Variants in ROBO1 observed in about 807,000 individuals in gnomAD.
ROBO1 encodes roundabout homolog 1.
A neutral mutation model predicts 195.9 loss-of-function variants in ROBO1; 149 were observed. The observed-to-expected ratio is 0.76, with a 90% CI of 0.67 to 0.87. The LOEUF (loss-of-function observed/expected upper bound fraction) is 0.87, where lower values mean the gene tolerates loss of function less well. Among genes scored for constraint, ROBO1 ranks in the 40% least tolerant of loss-of-function variants. ROBO1 has a pLI of 0.00. For missense variants in ROBO1, 1,933 were observed against 2,068.3 expected (o/e 0.93, Z 1.27); for synonymous variants, 816 against 733.2 (o/e 1.11, Z -1.82).
At chr3:78,697,663 C>A (rs979427919) in intron 8 of ROBO1, among the ~76,000 whole-genome samples, 5 of 152,050 alleles carry the variant, frequency 3.3e-5, no homozygotes, top group African/African-American at 1.2e-4. Flanking sequence ...CATTAGGCCA[C>A]AACAGTTTAG....
At chr3:78,745,103 A>C (rs763558648) in intron 5 of ROBO1, among the ~76,000 whole-genome samples, 1 of 151,872 alleles carries the variant, frequency 6.6e-6, no homozygotes, top group South Asian at 2.1e-4. Flanking sequence ...AGGTCAGAAG[A>C]TCGAGACCAT....
chr3:78,836,329 G>A (rs531432423), intron 4 of ROBO1, among the ~76,000 whole-genome samples: 6 of 151,800 alleles, frequency 4.0e-5, no homozygotes, highest in Non-Finnish European at 7.4e-5. Flanking sequence ...TGGCTAACAC[G>A]GTGAAACCCC....
intron 1 of ROBO1, among the ~76,000 whole-genome samples, chr3:79,730,942 TA>T (rs1185985317): frequency 6.6e-6 from 1 of 151,950 alleles, no homozygotes; most frequent in Non-Finnish European, 1.5e-5. Context: ...CACGCCCAGC[TA>T]ATTTTTTGTA....
intron 22 of ROBO1, 88 bp from the exon 23 acceptor site, chr3:78,636,196 G>GAA (rs1705489669): frequency 1.0e-6 from 1 of 958,768 alleles, no homozygotes; most frequent in Non-Finnish European, 1.5e-6. Flanking sequence ...CGAGTCATCA[G>GAA]AAAATCGTTA....
At chr3:79,173,674 G>C (rs1023472363) in intron 2 of ROBO1, among the ~76,000 whole-genome samples, 12 of 152,144 alleles carry the variant, frequency 7.9e-5, no homozygotes, top group Non-Finnish European at 1.6e-4. Flanking sequence ...ACGGTGCCCA[G>C]TCCCACCGAC....
intron 1 of ROBO1, among the ~76,000 whole-genome samples, chr3:79,731,110 A>T (rs1408472385): frequency 1.3e-5 from 2 of 152,158 alleles, no homozygotes; most frequent in Non-Finnish European, 2.9e-5. Context: ...TAACGGTGAT[A>T]GTCCTTTTCA....
At chr3:79,553,380 C>A (rs1254290637) in intron 2 of ROBO1, among the ~76,000 whole-genome samples, 1 of 152,004 alleles carries the variant, frequency 6.6e-6, no homozygotes, top group Admixed American at 6.6e-5. Flanking sequence ...GAATGTATAT[C>A]ATTTCACATA....
intron 1 of ROBO1, among the ~76,000 whole-genome samples, chr3:79,731,896 GGT>G (rs1576294891): frequency 6.6e-6 from 1 of 152,252 alleles, no homozygotes; most frequent in East Asian, 1.9e-4. Flanking sequence ...ATTTCTAGGA[GGT>G]GGGGGAGAAC....
At chr3:79,090,849 G>A (rs2108488619) in intron 3 of ROBO1, among the ~76,000 whole-genome samples, 1 of 152,068 alleles carries the variant, frequency 6.6e-6, no homozygotes, top group South Asian at 2.1e-4. Flanking sequence ...TTTTCTCATT[G>A]ATTCATAATA....
At chr3:78,920,147 A>G (rs533070393) in intron 4 of ROBO1, among the ~76,000 whole-genome samples, 5 of 152,374 alleles carry the variant, frequency 3.3e-5, no homozygotes, top group South Asian at 2.1e-4. Flanking sequence ...GAAATAAAAT[A>G]TATCATGCCT....
Position 78,614,782 on chromosome 3 carries a change from G to T in ROBO1, c.4301C>A (p.Ala1434Glu), listed in dbSNP as rs775353991. The T allele has an allele frequency of 1.9e-6, 3 of 1,608,446 alleles. No homozygotes were observed. The highest frequency in any genetic ancestry group is 2.7e-5 in the African/African-American group (2 of 74,226). Residue 1434 changes from alanine to glutamate, a missense_variant, in exon 28 of 31, where the codon GCG (alanine) becomes GAG (glutamate). Around this residue, in one of 3 missense-constraint regions of ROBO1, gnomAD observed 1,737 missense variants for 1,882.5 expected, o/e 0.92. Coordinates refer to ENST00000464233, the MANE Select transcript of ROBO1 (RefSeq NM_002941.4). ...QDAAGRRHFH[A>E]SQCPRPTSPV... is the part of the protein sequence containing the mutation. ...ACTTGTGGGCCTAGGGCACTGAGAC[G>T]CATGAAAATGTCGACGGCCTAAGGA...
At chr3:79,009,143 G>A (rs1382956862) in intron 3 of ROBO1, among the ~76,000 whole-genome samples, 5 of 143,446 alleles carry the variant, frequency 3.5e-5, no homozygotes, top group African/African-American at 5.2e-5. Context: ...TAGTAGAGAC[G>A]GGGTTTCACC....
intron 2 of ROBO1, among the ~76,000 whole-genome samples, chr3:79,538,569 A>G (rs1941957178): frequency 6.6e-6 from 1 of 152,140 alleles, no homozygotes; most frequent in Non-Finnish European, 1.5e-5. Context: ...GTTACCTGCA[A>G]CCGAAAAGGT....
intron 3 of ROBO1, among the ~76,000 whole-genome samples, chr3:78,963,585 C>A: frequency 8.2e-6 from 1 of 121,752 alleles, no homozygotes; most frequent in Non-Finnish European, 1.6e-5. Context: ...GTGGCGCGAT[C>A]TCGGCTCACT....
At chr3:78,983,864 G>T (rs2077049856) in intron 3 of ROBO1, among the ~76,000 whole-genome samples, 1 of 152,114 alleles carries the variant, frequency 6.6e-6, no homozygotes, top group Admixed American at 6.6e-5. Context: ...TAGGTTTATT[G>T]AAAGTGAGGA....
At chr3:78,860,034 G>T (rs2034699476) in intron 4 of ROBO1, among the ~76,000 whole-genome samples, 1 of 151,280 alleles carries the variant, frequency 6.6e-6, no homozygotes, top group Non-Finnish European at 1.5e-5. Context: ...AGCTGAGATT[G>T]TGCCACTGCA....
At chr3:79,306,083 C>T (rs770464265) in intron 2 of ROBO1, among the ~76,000 whole-genome samples, 22 of 152,100 alleles carry the variant, frequency 1.4e-4, no homozygotes, top group Non-Finnish European at 2.2e-4. Flanking sequence ...AATAAGCAAG[C>T]TGATACTTAC....
intron 18 of ROBO1, among the ~76,000 whole-genome samples, chr3:78,653,725 A>AG (rs1706821432): frequency 6.6e-6 from 1 of 152,118 alleles, no homozygotes; most frequent in African/African-American, 2.4e-5. Flanking sequence ...CTCTCCTAGG[A>AG]GGGGGCATGT....
chr3:78,735,142 G>A (rs2082366026), intron 5 of ROBO1, among the ~76,000 whole-genome samples: 1 of 152,086 alleles, frequency 6.6e-6, no homozygotes, highest in South Asian at 2.1e-4. Flanking sequence ...CAAAAGGTTT[G>A]CTTTAATTTC....
Sources: allele counts gnomAD v4.1 joint callset (sites outside exome capture counted in the v4.1 genomes callset), GRCh38; gene constraint gnomAD v4.1.1; regional missense constraint gnomAD v4.1.1; transcripts MANE v1.5; gene names NCBI Gene and HGNC (gene_info 2026-07-23, HGNC 2026-07-21).